OR7D2: variants seen among roughly 807,000 people sequenced by gnomAD.
OR7D2 encodes the protein olfactory receptor family 7 subfamily D member 2.
For missense variants in OR7D2, 370 were observed against 384.1 expected (o/e 0.96, Z 0.31); for synonymous variants, 158 against 158.7 (o/e 1.00, Z 0.03).
intron 2 of OR7D2, among the ~76,000 whole-genome samples, chr19:9,184,831 A>AT (rs1232924865): frequency 1.3e-5 from 2 of 152,178 alleles, no homozygotes; most frequent in Admixed American, 1.3e-4. Context: ...TTTACAATCA[A>AT]TATTATTCCA....
At chr19:9,181,610 A>C (rs2050990154) in intron 2 of OR7D2, among the ~76,000 whole-genome samples, 1 of 152,042 alleles carries the variant, frequency 6.6e-6, no homozygotes, top group Admixed American at 6.6e-5. Flanking sequence ...ATGTGCCACC[A>C]TGCCCAGCTA....
chr19:9,179,712 A>G (rs1400669605), intron 1 of OR7D2, among the ~76,000 whole-genome samples: 1 of 152,064 alleles, frequency 6.6e-6, no homozygotes, highest in Non-Finnish European at 1.5e-5. Context: ...CTAGTATAAT[A>G]TAATAGTTCT....
chr19:9,184,518 A>G (rs1355551551), intron 2 of OR7D2, among the ~76,000 whole-genome samples: 2 of 151,984 alleles, frequency 1.3e-5, no homozygotes, highest in Non-Finnish European at 2.9e-5. Context: ...TAAAATAAAA[A>G]GAAATTAAAT....
rs2051050689 is a variant in OR7D2 at position 9,187,925 on chromosome 19, C to T, written c.*1205C>T. ...TACATATACCACAATCTTTATCACT[C>T]ATTGGTTGATGGGCACTTAGGTTGG... On this transcript the variant is annotated 3_prime_UTR_variant, in exon 3 of 3. Coordinates refer to ENST00000641288, the MANE Select transcript of OR7D2 (RefSeq NM_175883.4). 6.0e-6 allele frequency: 1 copy of T among 166,196 alleles called. No individual in the cohort carries two copies. Among genetic ancestry groups the T allele is most frequent in the Non-Finnish European group, 1.5e-5 (1 of 68,104 alleles). 10.3% of individuals were successfully genotyped at this position (166,196 alleles called of 1,614,324 possible). A position where few individuals can be genotyped will look rare whatever the true frequency, so the allele number is the denominator to read the frequency against.
rs2145983045 is a variant in OR7D2, at chr19:9,185,904, A to G, written c.123A>G (p.Gly41=). 1 of 1,614,010 alleles carries G rather than the reference A, an allele frequency of 6.2e-7. No homozygotes were observed. The highest frequency in any genetic ancestry group is 8.5e-7 in the Non-Finnish European group (1 of 1,179,960). ...CCATGTACCTGGTGACGGTGCTGGG[A>G]AACCTGCTCATCATCCTGGCCATCA... The part of the protein sequence containing the change: ...FLSMYLVTVL[G]NLLIILAISS... Residue 41 remains glycine (G), a synonymous_variant, in exon 3 of 3, where the codon GGA becomes GGG. Transcript: ENST00000641288.
Position 9,185,777 on chromosome 19 carries a change from G to T in OR7D2, c.-5G>T, listed in dbSNP as rs1219147353. The T allele has an allele frequency of 6.4e-7, 1 of 1,561,670 alleles. No individual in the cohort carries two copies. The highest frequency in any genetic ancestry group is 2.2e-5 in the East Asian group (1 of 44,642). Reference sequence around the variant, plus strand: ...GACCTCTTCTTTTGTAGATACATCAGCTACATGGAAGCAGGAAACCAAACA... The same window carrying T: ...GACCTCTTCTTTTGTAGATACATCATCTACATGGAAGCAGGAAACCAAACA... On this transcript the variant is annotated 5_prime_UTR_variant, in exon 3 of 3. Coordinates refer to ENST00000641288, the MANE Select transcript of OR7D2 (RefSeq NM_175883.4).
Position 9,186,533 on chromosome 19 carries a change from T to C in OR7D2, c.752T>C (p.Phe251Ser). Residue 251 changes from phenylalanine (F) to serine (S), a missense_variant, in exon 3 of 3, where the codon TTT becomes TCT. By Grantham distance (155) the Phe-to-Ser change is radical (BLOSUM62 -2). Transcript: ENST00000641288. Reference sequence around the variant, plus strand: ...TCTCACCTCTCCGTCGTTTCTTTATTTTATGGGACAGGCATTGGGGTCCAC... The same window carrying C: ...TCTCACCTCTCCGTCGTTTCTTTATCTTATGGGACAGGCATTGGGGTCCAC... Reference protein sequence around the residue: ...CGSHLSVVSLFYGTGIGVHFT... With the variant: ...CGSHLSVVSLSYGTGIGVHFT... The C allele has an allele frequency of 2.5e-6, 4 of 1,613,960 alleles. No homozygotes were observed. Among genetic ancestry groups the C allele is most frequent in the Non-Finnish European group, 3.4e-6 (4 of 1,179,972 alleles).
chr19:9,184,747 T>C (rs1208274526), intron 2 of OR7D2, among the ~76,000 whole-genome samples: 1 of 152,112 alleles, frequency 6.6e-6, no homozygotes, highest in Non-Finnish European at 1.5e-5. Flanking sequence ...ATATATTCCA[T>C]TGTGTGTATA....
In OR7D2 at chr19:9,179,104, A is replaced by AT. The variant is rs35900631; in HGVS notation, c.-113dup. The AT allele has an allele frequency of 0.028, 3,976 of 143,928 alleles. 87 individuals carry two copies. The highest frequency in any genetic ancestry group is 0.1 in the South Asian group (469 of 4,596). 8.9% of individuals were successfully genotyped at this position (143,928 alleles called of 1,614,324 possible). A position where few individuals can be genotyped will look rare whatever the true frequency, so the allele number is the denominator to read the frequency against. On this transcript the variant is annotated 5_prime_UTR_variant, in exon 1 of 3. It removes the in-frame stop codon of an upstream open reading frame in the 5' UTR. Coordinates refer to ENST00000641288, the MANE Select transcript of OR7D2 (RefSeq NM_175883.4). ...CAGGGGAGGAAGACGTCATACCAGC[A>AT]TTTTTTTTTTTCAAGCAATGTCAGT...
At chr19:9,182,954 T>C in intron 2 of OR7D2, 1 of 460,146 alleles carries the variant, frequency 2.2e-6, no homozygotes, top group Non-Finnish European at 4.3e-6. Context: ...ACGTTCTTTT[T>C]TGACAATAAA....
intron 2 of OR7D2, chr19:9,182,385 G>A: frequency 1.1e-5 from 3 of 281,478 alleles, no homozygotes; most frequent in African/African-American, 2.3e-5. Flanking sequence ...TAGGAAGTTC[G>A]CAGCCATCAG....
At chr19:9,183,569 T>A (rs1248506232) in intron 2 of OR7D2, among the ~76,000 whole-genome samples, 1 of 151,736 alleles carries the variant, frequency 6.6e-6, no homozygotes, top group Non-Finnish European at 1.5e-5. Context: ...TGAGCCACCA[T>A]GCCTGACCTT....
At chr19:9,185,699 T>C in intron 2 of OR7D2, 70 bp from the exon 3 acceptor site, 1 of 944,966 alleles carries the variant, frequency 1.1e-6, no homozygotes, top group Non-Finnish European at 1.6e-6. Flanking sequence ...TCCTTCCATC[T>C]CAGCCTCCCG....
rs533946210 is a variant in OR7D2, at chr19:9,185,555, C to T, written c.-13-214C>T. 3.2e-4 allele frequency: 58 copies of T among 178,638 alleles called. No individual in the cohort carries two copies. The East Asian group carries it at 7.6e-3, about 24-fold the overall frequency. 11.1% of individuals were successfully genotyped at this position (178,638 alleles called of 1,614,324 possible). On this transcript the variant is annotated intron_variant, in intron 2 of 2. Coordinates refer to ENST00000641288, the MANE Select transcript of OR7D2 (RefSeq NM_175883.4). ...AAATATGTATATTTTAAAATAAATACATATATACATAGTTTTATTTTTATT... is the reference window on the plus strand; with the variant it reads ...AAATATGTATATTTTAAAATAAATATATATATACATAGTTTTATTTTTATT...
Position 9,181,964 on chromosome 19 carries a change from G to A in OR7D2, c.-14+1176G>A, listed in dbSNP as rs1023297156. Reference sequence around the variant, plus strand: ...AAGAATCTCCTTGACCATGTAATAGGGGTGCTATAAAATCAGTGTTAAGAT... The same window carrying A: ...AAGAATCTCCTTGACCATGTAATAGAGGTGCTATAAAATCAGTGTTAAGAT... On this transcript the variant is annotated intron_variant, in intron 2 of 2. Transcript: ENST00000641288. 2.0e-5 allele frequency among the ~76,000 whole-genome samples: 3 copies of A among 152,076 alleles called. 1 individual carries two copies. In the South Asian group the frequency reaches 6.2e-4, roughly 32 times the overall value.
Position 9,187,248 on chromosome 19 carries a change from C to T in OR7D2, c.*528C>T. On this transcript the variant is annotated 3_prime_UTR_variant, in exon 3 of 3. Coordinates refer to ENST00000641288, the MANE Select transcript of OR7D2 (RefSeq NM_175883.4). ...CTCCCCTCTCACCTTTTGCAGTCTC[C>T]AGTGTCCATTATTCTGTTATAATGC... 1 of 168,046 alleles carries T rather than the reference C, an allele frequency of 6.0e-6. No individual in the cohort carries two copies. 10.4% of individuals were successfully genotyped at this position (168,046 alleles called of 1,614,324 possible).
intron 1 of OR7D2, 128 bp downstream of exon 1, chr19:9,179,251 A>G (rs1218944097): frequency 1.3e-5 from 2 of 152,250 alleles, no homozygotes; most frequent in African/African-American, 4.8e-5. Context: ...AAATGTCTCT[A>G]GGATTCCCTT....
At chr19:9,180,603 T>C (rs1211062116) in intron 1 of OR7D2, 95 bp from the exon 2 acceptor site, 1 of 152,098 alleles carries the variant, frequency 6.6e-6, no homozygotes, top group African/African-American at 2.4e-5. Flanking sequence ...TTCACTCCCC[T>C]TTCAGGCTTT....
At position 9,186,617 on chromosome 19, in the gene OR7D2, C is replaced by A; in HGVS notation, c.836C>A (p.Thr279Asn). Reference protein sequence around the residue: ...QKISVASVMYTVVTPMLNPFI... With the variant: ...QKISVASVMYNVVTPMLNPFI... ...ATCTCCGTGGCCTCGGTGATGTACA[C>A]TGTGGTCACCCCCATGTTGAACCCC... The change falls in exon 3 of 3, where the codon ACT becomes AAT. Residue 279 changes from threonine to asparagine, a missense_variant. Transcript: ENST00000641288. 6.2e-7 allele frequency: 1 copy of A among 1,614,068 alleles called. No homozygotes were observed. Among genetic ancestry groups the A allele is most frequent in the Non-Finnish European group, 8.5e-7 (1 of 1,180,008 alleles).
Sources: allele counts gnomAD v4.1 joint callset (sites outside exome capture counted in the v4.1 genomes callset), GRCh38; gene constraint gnomAD v4.1.1; transcripts MANE v1.5; gene names NCBI Gene and HGNC (gene_info 2026-07-23, HGNC 2026-07-21).